The following PDE1C variants were observed in gnomAD, a reference collection of about 807,000 sequenced individuals.
PDE1C encodes the protein dual specificity calcium/calmodulin-dependent 3',5'-cyclic nucleotide phosphodiesterase 1C.
PDE1C carries 62 observed loss-of-function variants against 93.1 expected under a neutral mutation model. The ratio of observed to expected loss-of-function variants is 0.67; its 90% CI spans 0.54 to 0.82. The LOEUF is 0.82. Among genes scored for constraint, PDE1C ranks in the 40% least tolerant of loss-of-function variants. The probability of loss-of-function intolerance (pLI) is 0.00; values close to 1 mark genes in which losing one functional copy is unlikely to be tolerated. For synonymous variants in PDE1C, 325 were observed against 310.1 expected, an observed-to-expected ratio of 1.05 and a Z score of -0.50; for missense variants, 742 against 884.6, an observed-to-expected ratio of 0.84 and a Z score of 2.04.
intron 3 of PDE1C, among the ~76,000 whole-genome samples, chr7:32,162,332 C>A (rs1226158120): frequency 1.3e-5 from 2 of 152,092 alleles, no homozygotes; most frequent in Non-Finnish European, 2.9e-5. Context: ...GAGCTATGCC[C>A]CCCGTGCCAA....
intron 2 of PDE1C, among the ~76,000 whole-genome samples, chr7:31,954,173 C>G (rs1363352155): frequency 6.6e-6 from 1 of 152,226 alleles, no homozygotes; most frequent in Non-Finnish European, 1.5e-5. Context: ...GGCTACATTC[C>G]CAACCCCTTT....
chr7:32,386,208 AAAG>A (rs1301652711), intron 1 of PDE1C, among the ~76,000 whole-genome samples: 12 of 137,114 alleles, frequency 8.8e-5, no homozygotes, highest in Non-Finnish European at 4.6e-5. Flanking sequence ...TATTATTGCC[AAAG>A]AAAAATATAT....
chr7:31,998,265 C>T (rs1025895388), intron 2 of PDE1C, among the ~76,000 whole-genome samples: 6 of 152,098 alleles, frequency 3.9e-5, no homozygotes, highest in Non-Finnish European at 7.4e-5. Context: ...GTGATTCTCC[C>T]GCCTTGGCCT....
At chr7:31,883,894 A>G (rs563968950) in intron 2 of PDE1C, among the ~76,000 whole-genome samples, 1 of 152,354 alleles carries the variant, frequency 6.6e-6, no homozygotes, top group Admixed American at 6.5e-5. Flanking sequence ...GGTGCCAGGC[A>G]GACATTAGGC....
At chr7:32,291,617 T>C (rs1381455684) in intron 1 of PDE1C, among the ~76,000 whole-genome samples, 2 of 152,238 alleles carry the variant, frequency 1.3e-5, no homozygotes, top group Admixed American at 6.5e-5. Flanking sequence ...CAATGCTGTA[T>C]ACACAAAGCC....
intron 14 of PDE1C, 97 bp from the exon 15 acceptor site, chr7:31,816,251 G>A (rs1157113965): frequency 9.0e-7 from 1 of 1,112,520 alleles, no homozygotes; most frequent in Non-Finnish European, 1.3e-6. Flanking sequence ...AGTATCTAAG[G>A]TGTTTACTGA....
intron 5 of PDE1C, among the ~76,000 whole-genome samples, chr7:31,876,926 G>C (rs1796665989): frequency 6.6e-6 from 1 of 152,118 alleles, no homozygotes; most frequent in African/African-American, 2.4e-5. Context: ...TGAGACAAGA[G>C]AAAGGCCTAT....
chr7:32,354,502 A>G (rs1295120220), intron 1 of PDE1C, among the ~76,000 whole-genome samples: 1 of 152,184 alleles, frequency 6.6e-6, no homozygotes, highest in African/African-American at 2.4e-5. Flanking sequence ...ATGGTGATGC[A>G]TACCTGTACT....
At chr7:32,267,769 C>T (rs1810710574) in intron 1 of PDE1C, among the ~76,000 whole-genome samples, 1 of 152,142 alleles carries the variant, frequency 6.6e-6, no homozygotes, top group African/African-American at 2.4e-5. Context: ...GTCACTGCCT[C>T]ATTTCTCTGT....
chr7:31,860,281 C>T (rs1030209350), intron 7 of PDE1C, among the ~76,000 whole-genome samples: 4 of 152,108 alleles, frequency 2.6e-5, no homozygotes, highest in Non-Finnish European at 4.4e-5. Context: ...GTGCTACTGG[C>T]ATCTCGTGAC....
At chr7:31,790,280 A>AAGAAAG (rs1784429043) in intron 16 of PDE1C, 2 of 1,606,820 alleles carry the variant, frequency 1.2e-6, no homozygotes, top group African/African-American at 2.7e-5. Flanking sequence ...GAAAAAGAAA[A>AAGAAAG]AGAAAAGTGT....
At chr7:31,695,120 G>A in the PDE1C span, among the ~76,000 whole-genome samples, 1 of 148,736 alleles carries the variant, frequency 6.7e-6, no homozygotes, top group Non-Finnish European at 1.5e-5. Context: ...CAAAAAGAAT[G>A]GAGGCGCGTT....
At chr7:32,096,303 C>T (rs200488336) in intron 3 of PDE1C, among the ~76,000 whole-genome samples, 2 of 152,278 alleles carry the variant, frequency 1.3e-5, no homozygotes, top group East Asian at 1.9e-4. Context: ...AGAGGAAGAA[C>T]TAGTGCGTTT....
chr7:31,856,060 A>G (rs1793979070), intron 7 of PDE1C, among the ~76,000 whole-genome samples: 1 of 152,220 alleles, frequency 6.6e-6, no homozygotes, highest in African/African-American at 2.4e-5. Flanking sequence ...ATAATGAGTA[A>G]TACAAACAGA....
intron 7 of PDE1C, 80 bp from the exon 8 acceptor site, chr7:31,850,821 C>T: frequency 1.0e-6 from 1 of 970,590 alleles, no homozygotes. Flanking sequence ...ACCCACAGTG[C>T]TGCCTTTCTA....
At chr7:32,381,030 C>T (rs1016853454) in intron 1 of PDE1C, among the ~76,000 whole-genome samples, 1 of 151,990 alleles carries the variant, frequency 6.6e-6, no homozygotes, top group Non-Finnish European at 1.5e-5. Context: ...GTTTCTCCCC[C>T]TCAGTGCCTT....
At chr7:32,246,222 G>A (rs1808937384) in intron 1 of PDE1C, among the ~76,000 whole-genome samples, 1 of 151,910 alleles carries the variant, frequency 6.6e-6, no homozygotes, top group African/African-American at 2.4e-5. Flanking sequence ...TCTTGCCTTG[G>A]CCCCCCAAAG....
intron 1 of PDE1C, among the ~76,000 whole-genome samples, chr7:32,288,246 G>T (rs139918026): frequency 6.6e-6 from 1 of 152,326 alleles, no homozygotes; most frequent in South Asian, 2.1e-4. Flanking sequence ...CCTGTAAAAT[G>T]GAGCTGCTCA....
At chr7:32,000,764 G>A (rs777418611) in intron 2 of PDE1C, among the ~76,000 whole-genome samples, 12 of 152,072 alleles carry the variant, frequency 7.9e-5, no homozygotes, top group Non-Finnish European at 1.6e-4. Flanking sequence ...TGGTACCCTG[G>A]AACCAGAGCC....
Sources: gnomAD v4.1 joint callset for allele counts (sites outside exome capture counted in the v4.1 genomes callset) on GRCh38, gnomAD v4.1.1 for gene constraint, MANE v1.5 for transcripts, NCBI Gene and HGNC (gene_info 2026-07-23, HGNC 2026-07-21) for gene names.